TMTC2: variants seen among roughly 807,000 people sequenced by gnomAD.
TMTC2 encodes the protein transmembrane O-mannosyltransferase targeting cadherins 2, also known as protein O-mannosyl-transferase TMTC2.
Under a neutral mutation model 82.4 loss-of-function variants are expected in TMTC2, and 43 were observed. That is an observed-to-expected ratio of 0.52 (90% confidence interval 0.41 to 0.67). TMTC2 has a LOEUF of 0.67. Among genes scored for constraint, TMTC2 ranks in the 30% least tolerant of loss-of-function variants. The probability of loss-of-function intolerance (pLI) is 0.00; values close to 1 mark genes in which losing one functional copy is unlikely to be tolerated. For missense variants in TMTC2, 919 were observed against 1,012.4 expected, an observed-to-expected ratio of 0.91 and a Z score of 1.25; for synonymous variants, 408 against 381.9, an observed-to-expected ratio of 1.07 and a Z score of -0.80.
intron 11 of TMTC2, among the ~76,000 whole-genome samples, chr12:83,084,954 A>AT (rs1262205060): frequency 6.6e-6 from 1 of 152,108 alleles, no homozygotes; most frequent in Non-Finnish European, 1.5e-5. Flanking sequence ...TGGGGAGAGT[A>AT]TTTTTTCCAG....
At chr12:82,938,049 G>A (rs1876502444) in intron 4 of TMTC2, among the ~76,000 whole-genome samples, 2 of 151,030 alleles carry the variant, frequency 1.3e-5, no homozygotes, top group Non-Finnish European at 2.9e-5. Flanking sequence ...TGAGTAGCTG[G>A]GATACAGATA....
At chr12:82,976,954 G>A (rs182189966) in intron 7 of TMTC2, among the ~76,000 whole-genome samples, 53 of 152,114 alleles carry the variant, frequency 3.5e-4, no homozygotes, top group Non-Finnish European at 1.5e-4. Flanking sequence ...GCTATTTATC[G>A]AGTACTCTCT....
chr12:82,847,350 CAATCT>C (rs1870741486), intron 1 of TMTC2, among the ~76,000 whole-genome samples: 1 of 152,118 alleles, frequency 6.6e-6, no homozygotes, highest in Admixed American at 6.5e-5. Flanking sequence ...ATACTTAAAA[CAATCT>C]AGAATTTTCC....
chr12:83,029,185 G>T (rs185618058), intron 8 of TMTC2, among the ~76,000 whole-genome samples: 1 of 152,246 alleles, frequency 6.6e-6, no homozygotes, highest in Admixed American at 6.5e-5. Context: ...ATGGAGAAAA[G>T]AGTCAAAGCT....
chr12:82,940,014 C>CTTTTTTTTTTT (rs71309537), intron 4 of TMTC2, among the ~76,000 whole-genome samples: 4 of 91,244 alleles, frequency 4.4e-5, no homozygotes, highest in Non-Finnish European at 6.5e-5. Flanking sequence ...TCTTTCTTTA[C>CTTTTTTTTTTT]TTTTTTTTTT....
In TMTC2 at chr12:82,886,727, A is replaced by G. The variant is rs190323748; in HGVS notation, c.655-9091A>G. Among the ~76,000 whole-genome samples, 7 of 152,356 alleles carry G rather than the reference A, an allele frequency of 4.6e-5. No homozygotes were observed. In the East Asian group the frequency reaches 7.7e-4, roughly 17 times the overall value. On this transcript the variant is annotated intron_variant, in intron 2 of 11. Coordinates refer to ENST00000321196, the MANE Select transcript of TMTC2 (RefSeq NM_152588.3). ...TGTTTCTAATCTTACAGACAGGATG[A>G]TCATTAATAAGGAAACCCATTTTTC...
At chr12:83,028,332 A>G (rs917812239) in intron 8 of TMTC2, among the ~76,000 whole-genome samples, 11 of 152,182 alleles carry the variant, frequency 7.2e-5, no homozygotes, top group Non-Finnish European at 1.6e-4. Context: ...TTTAAAAATT[A>G]AGACTATTTT....
intron 11 of TMTC2, among the ~76,000 whole-genome samples, chr12:83,122,723 G>A (rs961533804): frequency 1.3e-5 from 2 of 152,102 alleles, no homozygotes; most frequent in East Asian, 1.9e-4. Flanking sequence ...AGGGTATGTG[G>A]GTCCTCTCAG....
chr12:83,035,984 A>G (rs1459402629), intron 9 of TMTC2, among the ~76,000 whole-genome samples: 1 of 152,222 alleles, frequency 6.6e-6, no homozygotes, highest in East Asian at 1.9e-4. Flanking sequence ...GTGAAAAGTT[A>G]GAAGGGAGGA....
chr12:83,038,307 C>CA (rs757336334), intron 9 of TMTC2, among the ~76,000 whole-genome samples: 9 of 150,024 alleles, frequency 6.0e-5, no homozygotes, highest in East Asian at 3.9e-4. Context: ...TATATATACT[C>CA]AAAAAAAAAG....
intron 9 of TMTC2, among the ~76,000 whole-genome samples, chr12:83,033,810 ATGTGTG>A (rs71977642): frequency 0.022 from 3,277 of 147,652 alleles, 136 homozygotes; most frequent in African/African-American, 0.077. Context: ...ATACACATAT[ATGTGTG>A]TGTGTGTGTG....
intron 7 of TMTC2, among the ~76,000 whole-genome samples, chr12:82,967,256 G>A (rs888312734): frequency 6.6e-6 from 1 of 151,834 alleles, no homozygotes; most frequent in Non-Finnish European, 1.5e-5. Context: ...ATCTGGGTAT[G>A]GAATATTAGC....
At chr12:83,089,808 A>G (rs1797268533) in intron 11 of TMTC2, among the ~76,000 whole-genome samples, 2 of 150,892 alleles carry the variant, frequency 1.3e-5, no homozygotes, top group Admixed American at 6.7e-5. Flanking sequence ...AGTCATGTAC[A>G]TTGGCTTGAT....
intron 7 of TMTC2, among the ~76,000 whole-genome samples, chr12:82,970,671 C>T (rs754360161): frequency 2.0e-5 from 3 of 152,210 alleles, no homozygotes; most frequent in African/African-American, 7.2e-5. Context: ...ATTGTATTCT[C>T]TGTCACTGTT....
intron 1 of TMTC2, among the ~76,000 whole-genome samples, chr12:82,739,876 A>G (rs1400714870): frequency 6.6e-6 from 1 of 151,240 alleles, no homozygotes; most frequent in Non-Finnish European, 1.5e-5. Context: ...AGTATTGTAG[A>G]ACCAGTATTG....
chr12:82,688,583 C>T (rs1262104033), intron 1 of TMTC2, among the ~76,000 whole-genome samples: 1 of 152,172 alleles, frequency 6.6e-6, no homozygotes. Flanking sequence ...CTTCCGGTGT[C>T]TTAATCTGAT....
intron 11 of TMTC2, among the ~76,000 whole-genome samples, chr12:83,071,957 G>T (rs1883134558): frequency 6.6e-6 from 1 of 152,056 alleles, no homozygotes; most frequent in Non-Finnish European, 1.5e-5. Context: ...CAAAGAACCA[G>T]CATTCTGTTT....
intron 2 of TMTC2, among the ~76,000 whole-genome samples, chr12:82,885,812 C>T (rs1041800883): frequency 6.6e-6 from 1 of 152,188 alleles, no homozygotes; most frequent in African/African-American, 2.4e-5. Flanking sequence ...TTTCAGGTTT[C>T]TCCACCGTAA....
At chr12:82,760,471 T>TG (rs1287703851) in intron 1 of TMTC2, 2 of 148,266 alleles carry the variant, frequency 1.3e-5, no homozygotes, top group Non-Finnish European at 3.0e-5. Flanking sequence ...CCAGGGTTTT[T>TG]TTTTTTTTTT....
Sources: allele counts gnomAD v4.1 joint callset (sites outside exome capture counted in the v4.1 genomes callset), GRCh38; gene constraint gnomAD v4.1.1; transcripts MANE v1.5; gene names NCBI Gene and HGNC (gene_info 2026-07-23, HGNC 2026-07-21).